Variants in CARD8 observed in about 807,000 individuals in gnomAD.
The protein encoded by CARD8 is caspase recruitment domain-containing protein 8.
A neutral mutation model predicts 53.2 loss-of-function variants in CARD8; 38 were observed. The ratio of observed to expected loss-of-function variants is 0.71; its 90% CI spans 0.55 to 0.94. The LOEUF is 0.94. Ranked by LOEUF, CARD8 falls within the 40% of genes least tolerant of loss-of-function variation. The probability of loss-of-function intolerance (pLI) is 0.00; values close to 1 mark genes in which losing one functional copy is unlikely to be tolerated. For synonymous variants in CARD8, 245 were observed against 244.9 expected, an observed-to-expected ratio of 1.00 and a Z score of 0.00; for missense variants, 561 against 655.5, an observed-to-expected ratio of 0.86 and a Z score of 1.57.
In CARD8 at chr19:48,218,865, A is replaced by G; in HGVS notation, c.1303+6T>C. 4.3e-6 allele frequency: 7 copies of G among 1,613,956 alleles called. No homozygotes were observed. Among genetic ancestry groups the G allele is most frequent in the Non-Finnish European group, 4.2e-6 (5 of 1,179,900 alleles). The stretch of plus-strand genomic sequence containing the variant: ...CTAAAAATGCCAGCCTCGCCCACTC[A>G]CCTACCTGGCTTCACCTCAGTATCC... On this transcript the variant is annotated splice_donor_region_variant and intron_variant, in intron 12 of 13. Coordinates refer to ENST00000651546, the MANE Select transcript of CARD8 (RefSeq NM_001184900.3).
chr19:48,221,889 CA>C, intron 10 of CARD8, 34 bp from the exon 11 acceptor site: 3 of 1,532,706 alleles, frequency 2.0e-6, no homozygotes, highest in Admixed American at 2.0e-5. Flanking sequence ...TTAGAGAGCA[CA>C]AAAAATAGTA....
intron 5 of CARD8, among the ~76,000 whole-genome samples, chr19:48,236,751 G>A (rs2043958860): frequency 6.6e-6 from 1 of 152,056 alleles, no homozygotes; most frequent in Admixed American, 6.6e-5. Flanking sequence ...AGCAATGACT[G>A]TTTGTATTGG....
chr19:48,243,411 T>C (rs2045561382), intron 3 of CARD8, among the ~76,000 whole-genome samples: 1 of 152,262 alleles, frequency 6.6e-6, no homozygotes, highest in Non-Finnish European at 1.5e-5. Context: ...TCTATTTATA[T>C]GCATAATAAT....
intron 13 of CARD8, among the ~76,000 whole-genome samples, chr19:48,214,778 T>C (rs2145399786): frequency 5.8e-4 from 6 of 10,332 alleles, no homozygotes; most frequent in Non-Finnish European, 2.6e-3. Context: ...GCTTTTTTTT[T>C]TTTTTTTTTT....
intron 13 of CARD8, among the ~76,000 whole-genome samples, chr19:48,214,320 CTAAAA>C (rs2038716892): frequency 1.3e-5 from 2 of 152,154 alleles, no homozygotes; most frequent in Admixed American, 6.5e-5. Flanking sequence ...CACCGTCTCT[CTAAAA>C]TAATAATTGG....
rs938549122 is a variant in CARD8 at position 48,215,328 on chromosome 19, C to T, written c.1348+12G>A. The stretch of plus-strand genomic sequence containing the variant: ...TACATACCCTTGGCTTTAATGTAAA[C>T]ATTTCACTTACCTGAGAAAGGAGGA... On this transcript the variant is annotated intron_variant, in intron 13 of 13. Transcript: ENST00000651546. 3 of 1,603,466 alleles carry T rather than the reference C, an allele frequency of 1.9e-6. No homozygotes were observed. Among genetic ancestry groups the T allele is most frequent in the Non-Finnish European group, 2.6e-6 (3 of 1,170,646 alleles).
In CARD8 at chr19:48,215,866, TC is replaced by T. The variant is rs1258922755; in HGVS notation, c.1304-483del. ...ATTAAAAAAATTTCCCATGATGCCT[TC>T]AATGTGGTTTTGCACTTTCATCTAG... On this transcript the variant is annotated intron_variant, in intron 12 of 13. Transcript: ENST00000651546. 4.6e-5 allele frequency among the ~76,000 whole-genome samples: 7 copies of T among 152,310 alleles called. No homozygotes were observed. The South Asian group carries it at 6.2e-4, about 14-fold the overall frequency.
intron 11 of CARD8, among the ~76,000 whole-genome samples, chr19:48,220,274 T>G (rs750230840): frequency 6.6e-6 from 1 of 152,210 alleles, no homozygotes; most frequent in African/African-American, 2.4e-5. Flanking sequence ...AAAAGATCAC[T>G]GAACTGATGT....
Position 48,235,516 on chromosome 19 carries a change from G to A in CARD8, c.210-973C>T, listed in dbSNP as rs560896886. On this transcript the variant is annotated intron_variant, in intron 5 of 13. Transcript: ENST00000651546. ...CGTGAAACTAAAAGAATTTTTCTGG[G>A]TAATGGACATAGGCATAGGACGTCT... Among the ~76,000 whole-genome samples, 4 of 152,198 alleles carry A rather than the reference G, an allele frequency of 2.6e-5. No homozygotes were observed. In the East Asian group the frequency reaches 7.7e-4, roughly 29 times the overall value.
chr19:48,249,577 T>A lies in CARD8; in HGVS notation c.-98A>T, dbSNP rs1330661298. 6.6e-6 allele frequency: 1 copy of A among 152,326 alleles called. No homozygotes were observed. The highest frequency in any genetic ancestry group is 1.5e-5 in the Non-Finnish European group (1 of 68,036). 9.4% of individuals were successfully genotyped at this position (152,326 alleles called of 1,614,324 possible). A position where few individuals can be genotyped will look rare whatever the true frequency, so the allele number is the denominator to read the frequency against. ...CCGCGTTTACCGCCCACAGCCATCA[T>A]GGCGACCGGAAGTCCTGAGAGCTTG... On this transcript the variant is annotated 5_prime_UTR_variant, in exon 3 of 14. An upstream start codon of the reference 5' UTR is lost. Transcript: ENST00000651546.
chr19:48,246,976 C>A (rs1283553166), intron 3 of CARD8, among the ~76,000 whole-genome samples: 4 of 152,204 alleles, frequency 2.6e-5, no homozygotes, highest in Non-Finnish European at 4.4e-5. Context: ...TACAAATATA[C>A]TTACCTATGT....
chr19:48,231,256 G>C (rs926773574), intron 8 of CARD8, among the ~76,000 whole-genome samples: 4 of 152,046 alleles, frequency 2.6e-5, no homozygotes, highest in Non-Finnish European at 4.4e-5. Context: ...TGAAATTTTA[G>C]CTATCATAAG....
At chr19:48,220,578 T>A (rs73572973) in intron 11 of CARD8, among the ~76,000 whole-genome samples, 1 of 152,124 alleles carries the variant, frequency 6.6e-6, no homozygotes, top group African/African-American at 2.4e-5. Context: ...CTGGACAACC[T>A]CATCTTTATT....
At chr19:48,223,936 GT>G (rs1415093460) in intron 10 of CARD8, 21 of 451,672 alleles carry the variant, frequency 4.6e-5, no homozygotes, top group African/African-American at 4.2e-4. Context: ...GAACAGTACT[GT>G]TGAATAGAAA....
chr19:48,214,383 C>T lies in CARD8; in HGVS notation c.1348+957G>A, dbSNP rs557038595. On this transcript the variant is annotated intron_variant, in intron 13 of 13. Transcript: ENST00000651546. ...GCCGTCTCCTGACAGAGAGAAAACA[C>T]CTGAAACTGGTGATCAGCAGCTTCC... Among the ~76,000 whole-genome samples the T allele has an allele frequency of 8.1e-4, 124 of 152,292 alleles. 1 individual carries two copies. The highest frequency in any genetic ancestry group is 2.9e-3 in the African/African-American group (121 of 41,556).
Position 48,221,744 on chromosome 19 carries a change from T to C in CARD8, c.1147A>G (p.Lys383Glu). The C allele has an allele frequency of 6.3e-7, 1 of 1,595,004 alleles. No homozygotes were observed. Among genetic ancestry groups the C allele is most frequent in the Non-Finnish European group, 8.6e-7 (1 of 1,167,034 alleles). Reference sequence around the variant, plus strand: ...ATTCTACTAACCTTGGGCATTACTTTCAGGTTAGCAGAATTAGACACAATA... The same window carrying C: ...ATTCTACTAACCTTGGGCATTACTTCCAGGTTAGCAGAATTAGACACAATA... ...SYIVSNSANL[K>E]VMPKELKLSY... is the part of the protein sequence containing the mutation. Residue 383 changes from lysine to glutamate, a missense_variant, in exon 11 of 14, where the codon AAA becomes GAA. Coordinates refer to ENST00000651546, the MANE Select transcript of CARD8 (RefSeq NM_001184900.3).
At chr19:48,233,605 C>G (rs564582276) in intron 6 of CARD8, 8 of 332,918 alleles carry the variant, frequency 2.4e-5, no homozygotes, top group African/African-American at 1.7e-4. Flanking sequence ...TTTCCTGGTG[C>G]ATGTGCATGC....
At chr19:48,207,742 T>TTTTTTTTTTTTTTTTTTC (rs1568595977), downstream of CARD8, among the ~76,000 whole-genome samples, 1 of 132,442 alleles carries the variant, frequency 7.6e-6, no homozygotes, top group African/African-American at 2.8e-5. Flanking sequence ...CTGTTTTTTT[T>TTTTTTTTTTTTTTTTTTC]TTTTTTTTTT....
At chr19:48,238,645 C>G (rs2044355904) in intron 4 of CARD8, 113 bp from the exon 5 acceptor site, 1 of 947,496 alleles carries the variant, frequency 1.1e-6, no homozygotes, top group African/African-American at 1.7e-5. Context: ...GATATCCATC[C>G]TTAGACATGC....
Sources: gnomAD v4.1 joint callset for allele counts (sites outside exome capture counted in the v4.1 genomes callset) on GRCh38, gnomAD v4.1.1 for gene constraint, MANE v1.5 for transcripts, NCBI Gene and HGNC (gene_info 2026-07-23, HGNC 2026-07-21) for gene names.